CRELD2: variants seen among roughly 807,000 people sequenced by gnomAD.
The protein encoded by CRELD2 is protein disulfide isomerase CRELD2.
CRELD2 carries 33 observed loss-of-function variants against 48.1 expected under a neutral mutation model. That is an observed-to-expected ratio of 0.69 (90% CI 0.52 to 0.92). CRELD2 has a LOEUF of 0.92. Among genes scored for constraint, CRELD2 ranks in the 40% least tolerant of loss-of-function variants. The pLI, the probability that CRELD2 is intolerant of heterozygous loss-of-function variation, is 0.00. For synonymous variants in CRELD2, 220 were observed against 203.9 expected (o/e 1.08, Z -0.67); for missense variants, 477 against 482.4 (o/e 0.99, Z 0.10).
chr22:49,919,095 C>A, intron 1 of CRELD2, 135 bp from the exon 2 acceptor site: 1 of 986,140 alleles, frequency 1.0e-6, no homozygotes. Flanking sequence ...ACCCTTGACC[C>A]GGATCCACCC....
chr22:49,922,115 C>T lies in CRELD2; in HGVS notation c.592+354C>T, dbSNP rs968343934. ...CAGCATCTGTCAAATCCCTGCAGGCCGTTATGAGTGGCATCTTTCCAAAGG... is the reference window on the plus strand; with the variant it reads ...CAGCATCTGTCAAATCCCTGCAGGCTGTTATGAGTGGCATCTTTCCAAAGG... On this transcript the variant is annotated intron_variant, in intron 5 of 9. Coordinates refer to ENST00000328268, the MANE Select transcript of CRELD2 (RefSeq NM_024324.5). 46 of 705,126 alleles carry T rather than the reference C, an allele frequency of 6.5e-5. No individual in the cohort carries two copies. The Admixed American group carries it at 1.1e-3, about 17-fold the overall frequency. 43.7% of individuals were successfully genotyped at this position (705,126 alleles called of 1,614,324 possible). A position where few individuals can be genotyped will look rare whatever the true frequency, so the allele number is the denominator to read the frequency against.
intron 4 of CRELD2, 74 bp from the exon 5 acceptor site, chr22:49,921,511 C>A (rs951986030): frequency 6.9e-7 from 1 of 1,449,146 alleles, no homozygotes; most frequent in Non-Finnish European, 9.4e-7. Context: ...GGGTGCCATG[C>A]GTTCTCTCCG....
Position 49,924,543 on chromosome 22 carries a change from G to A in CRELD2, c.868+88G>A, listed in dbSNP as rs565364672. 37 of 998,996 alleles carry A rather than the reference G, an allele frequency of 3.7e-5. No homozygotes were observed. The South Asian group carries it at 5.4e-4, about 15-fold the overall frequency. 61.9% of individuals were successfully genotyped at this position (998,996 alleles called of 1,614,324 possible). A position where few individuals can be genotyped will look rare whatever the true frequency, so the allele number is the denominator to read the frequency against. On this transcript the variant is annotated intron_variant, in intron 8 of 9. Transcript: ENST00000328268. ...GCCCCAGCAGGTACTGCCAGGGATG[G>A]GAAGCAGTTGAGACCCGTCCTGCAG... is the stretch of plus-strand genomic sequence containing the variant.
Position 49,921,769 on chromosome 22 carries a change from C to T in CRELD2, c.592+8C>T. On this transcript the variant is annotated splice_region_variant and intron_variant, in intron 5 of 9. Coordinates refer to ENST00000328268, the MANE Select transcript of CRELD2 (RefSeq NM_024324.5). The stretch of plus-strand genomic sequence containing the variant: ...CCCACAGCATCTGCACAGGTACGGG[C>T]TACGCCTGGGCTGGCCCCGGGGTTG... 6.2e-7 allele frequency: 1 copy of T among 1,602,788 alleles called. No individual in the cohort carries two copies. The highest frequency in any genetic ancestry group is 8.5e-7 in the Non-Finnish European group (1 of 1,172,576).
intron 6 of CRELD2, 86 bp from the exon 7 acceptor site, chr22:49,923,148 C>T (rs960266324): frequency 3.4e-5 from 38 of 1,111,276 alleles, no homozygotes; most frequent in African/African-American, 4.7e-5. Flanking sequence ...GCCCTGGCCA[C>T]GGGCTGTGTC....
At chr22:49,921,872 T>A (rs1417235510) in intron 5 of CRELD2, 111 bp downstream of exon 5, 1 of 1,154,870 alleles carries the variant, frequency 8.7e-7, no homozygotes, top group Non-Finnish European at 1.2e-6. Context: ...TAACCCCAGA[T>A]GTCCAAGGAA....
At chr22:49,925,370 C>T (rs531375235) in intron 8 of CRELD2, 47 bp from the exon 9 acceptor site, 26 of 1,223,668 alleles carry the variant, frequency 2.1e-5, no homozygotes, top group South Asian at 1.3e-4. Context: ...ATCCGCTGCG[C>T]GTCTGCTGAG....
At chr22:49,921,169 T>C in intron 4 of CRELD2, 1 of 176,040 alleles carries the variant, frequency 5.7e-6, no homozygotes, top group Non-Finnish European at 1.2e-5. Flanking sequence ...CTCGTGAGGG[T>C]CCTGAGTACT....
chr22:49,927,503 G>C lies in CRELD2; in HGVS notation c.*196G>C. ...CTTGTATATTTTGATACAGTTCTTT[G>C]TAATAAAATTGACCATTGTAGGTAA... On this transcript the variant is annotated 3_prime_UTR_variant, in exon 10 of 10. Coordinates refer to ENST00000328268, the MANE Select transcript of CRELD2 (RefSeq NM_024324.5). 1 of 591,656 alleles carries C rather than the reference G, an allele frequency of 1.7e-6. No homozygotes were observed. Among genetic ancestry groups the C allele is most frequent in the South Asian group, 2.0e-5 (1 of 50,228 alleles). The allele number at this position is 591,656 out of a possible 1,614,324, so 36.7% of individuals were successfully genotyped here.
At position 49,919,197 on chromosome 22, in the gene CRELD2, G is replaced by C. The variant is rs1406904824; in HGVS notation, c.130-33G>C. 3 of 1,607,624 alleles carry C rather than the reference G, an allele frequency of 1.9e-6. No homozygotes were observed. The Admixed American group carries it at 5.0e-5, about 27-fold the overall frequency. On this transcript the variant is annotated intron_variant, in intron 1 of 9. Coordinates refer to ENST00000328268, the MANE Select transcript of CRELD2 (RefSeq NM_024324.5). ...CCCCACCCTGGACCCGGGTCAGGTG[G>C]TACCAAGCACTATGGGCACTGTCTC...
rs1229177902 is a variant in CRELD2, at chr22:49,927,355, A to C, written c.*48A>C. On this transcript the variant is annotated 3_prime_UTR_variant, in exon 10 of 10. Coordinates refer to ENST00000328268, the MANE Select transcript of CRELD2 (RefSeq NM_024324.5). ...TTATTCAGAAGGATGTCCCGTGGAA[A>C]ATGTGGCCCTGAGGATGCCGTCTCC... 3 of 1,548,540 alleles carry C rather than the reference A, an allele frequency of 1.9e-6. No homozygotes were observed. The highest frequency in any genetic ancestry group is 2.7e-6 in the Non-Finnish European group (3 of 1,121,904).
At chr22:49,923,707 C>T in intron 7 of CRELD2, 1 of 356,896 alleles carries the variant, frequency 2.8e-6, no homozygotes. Context: ...GCCATTATTT[C>T]ATACTTTTAC....
At chr22:49,925,650 A>T in intron 9 of CRELD2, 93 bp downstream of exon 9, 2 of 1,580,236 alleles carry the variant, frequency 1.3e-6, no homozygotes, top group Non-Finnish European at 1.7e-6. Flanking sequence ...ATCCACACAG[A>T]TGGTGGCCTT....
intron 7 of CRELD2, chr22:49,923,921 G>A (rs9627797): frequency 0.12 from 28,045 of 233,160 alleles, 2,836 homozygotes; most frequent in African/African-American, 0.31. Context: ...GGAGGAGGCC[G>A]CCTCTGCCCC....
chr22:49,926,413 A>C (rs2060764414), intron 9 of CRELD2: 1 of 152,266 alleles, frequency 6.6e-6, no homozygotes, highest in Non-Finnish European at 1.5e-5. Context: ...CAGAATGAAT[A>C]AGGCACGATT....
intron 5 of CRELD2, 120 bp downstream of exon 5, chr22:49,921,881 A>G: frequency 2.9e-6 from 3 of 1,051,324 alleles, no homozygotes; most frequent in Non-Finnish European, 4.1e-6. Flanking sequence ...ATGTCCAAGG[A>G]AGCTTCGAGG....
At chr22:49,919,411 C>T in intron 2 of CRELD2, 99 bp downstream of exon 2, 2 of 1,130,762 alleles carry the variant, frequency 1.8e-6, no homozygotes, top group African/African-American at 1.5e-5. Context: ...GGAGACAGAA[C>T]AGCCCCCGAG....
rs1192196277 is a variant in CRELD2, at chr22:49,923,274, T to C, written c.729T>C (p.Ala243=). ...CGGCCGAGCCGCCTCCCTGCAGCGC[T>C]GCGCAGTTCTGTAAGAACGCCAACG... The part of the protein sequence containing the change: ...ECAAEPPPCS[A]AQFCKNANGS... Residue 243 remains alanine (A), a synonymous_variant, in exon 7 of 10, where the codon GCT becomes GCC. Transcript: ENST00000328268. 1.2e-6 allele frequency: 2 copies of C among 1,608,700 alleles called. No individual in the cohort carries two copies. Among genetic ancestry groups the C allele is most frequent in the Admixed American group, 1.7e-5 (1 of 59,692 alleles).
intron 1 of CRELD2, 38 bp downstream of exon 1, chr22:49,918,936 C>T: frequency 7.5e-7 from 1 of 1,328,270 alleles, no homozygotes; most frequent in East Asian, 3.0e-5. Context: ...ACCTTGGGCC[C>T]GGGGTCCCCC....
Sources: gnomAD v4.1 joint callset for allele counts on GRCh38, gnomAD v4.1.1 for gene constraint, MANE v1.5 for transcripts, NCBI Gene and HGNC (gene_info 2026-07-23, HGNC 2026-07-21) for gene names.